CTNNA3: variants seen among roughly 807,000 people sequenced by gnomAD.
CTNNA3 encodes the protein catenin alpha 3.
Under a neutral mutation model 95.7 loss-of-function variants are expected in CTNNA3, and 76 were observed. The ratio of observed to expected loss-of-function variants is 0.79; its 90% confidence interval spans 0.66 to 0.96. CTNNA3 has a LOEUF of 0.96. Ranked by LOEUF, CTNNA3 falls within the 40% of genes least tolerant of loss-of-function variation. The pLI is 0.00. For synonymous variants in CTNNA3, 431 were observed against 374.4 expected (o/e 1.15, Z -1.74); for missense variants, 1,191 against 1,089.8 (o/e 1.09, Z -1.31).
chr10:67,680,170 T>C (rs926231429), intron 1 of CTNNA3, among the ~76,000 whole-genome samples: 1 of 152,174 alleles, frequency 6.6e-6, no homozygotes, highest in Non-Finnish European at 1.5e-5. Flanking sequence ...TGGAGCTGTC[T>C]TGGAAGCTTC....
At chr10:67,562,602 C>A (rs538539445) in intron 3 of CTNNA3, among the ~76,000 whole-genome samples, 1 of 152,152 alleles carries the variant, frequency 6.6e-6, no homozygotes, top group African/African-American at 2.4e-5. Flanking sequence ...CCTCTCTCAC[C>A]ACTCCTATTC....
At chr10:67,575,464 T>G (rs1842112386) in intron 3 of CTNNA3, among the ~76,000 whole-genome samples, 1 of 152,166 alleles carries the variant, frequency 6.6e-6, no homozygotes, top group Admixed American at 6.5e-5. Flanking sequence ...CCCAGATAAT[T>G]TCCTCAAATT....
At chr10:66,026,058 C>A (rs1401683691) in intron 15 of CTNNA3, among the ~76,000 whole-genome samples, 1 of 151,992 alleles carries the variant, frequency 6.6e-6, no homozygotes, top group Non-Finnish European at 1.5e-5. Context: ...TTTTTGAGAG[C>A]GTATCATTAA....
intron 5 of CTNNA3, among the ~76,000 whole-genome samples, chr10:67,341,041 A>AT (rs571670315): frequency 1.3e-5 from 2 of 152,202 alleles, no homozygotes; most frequent in South Asian, 2.1e-4. Context: ...GTTTTTATTT[A>AT]TTTTTTCAAT....
At chr10:67,613,620 T>A (rs1400977170) in intron 2 of CTNNA3, among the ~76,000 whole-genome samples, 1 of 148,186 alleles carries the variant, frequency 6.7e-6, no homozygotes, top group Non-Finnish European at 1.5e-5. Context: ...TTATATCCAG[T>A]CTTTTTTTGC....
chr10:65,993,122 CT>C (rs1197018564), intron 15 of CTNNA3, among the ~76,000 whole-genome samples: 2 of 152,086 alleles, frequency 1.3e-5, no homozygotes, highest in African/African-American at 4.8e-5. Context: ...ATGCTATTAA[CT>C]TTTAAAAAAT....
At position 67,142,171 on chromosome 10, in the gene CTNNA3, A is replaced by G. The variant is rs192443233; in HGVS notation, c.1047+38146T>C. Reference sequence around the variant, plus strand: ...ATTAGGACGTAGTCGGGGGCAGGTGAGAGGAAAAAAAAGAGATATTATTGG... The same window carrying G: ...ATTAGGACGTAGTCGGGGGCAGGTGGGAGGAAAAAAAAGAGATATTATTGG... On this transcript the variant is annotated intron_variant, in intron 7 of 17. Coordinates refer to ENST00000433211, the MANE Select transcript of CTNNA3 (RefSeq NM_013266.4). Among the ~76,000 whole-genome samples the G allele has an allele frequency of 1.6e-3, 242 of 152,296 alleles. 1 individual carries two copies. The highest frequency in any genetic ancestry group is 5.6e-3 in the African/African-American group (231 of 41,566).
At chr10:66,941,485 A>C (rs1424562603) in intron 7 of CTNNA3, among the ~76,000 whole-genome samples, 1 of 152,218 alleles carries the variant, frequency 6.6e-6, no homozygotes, top group Non-Finnish European at 1.5e-5. Flanking sequence ...TCCACTTTGA[A>C]CGCAGGAATC....
chr10:67,463,822 C>A (rs1293034320), intron 5 of CTNNA3, among the ~76,000 whole-genome samples: 5 of 152,156 alleles, frequency 3.3e-5, no homozygotes, highest in Admixed American at 2.0e-4. Context: ...TTATAATGAG[C>A]ATGGCTGCAT....
chr10:67,445,027 A>C (rs1846687212), intron 5 of CTNNA3, among the ~76,000 whole-genome samples: 1 of 152,146 alleles, frequency 6.6e-6, no homozygotes, highest in Non-Finnish European at 1.5e-5. Flanking sequence ...GGAAAAAAAA[A>C]CTAATACCAA....
rs143675319 is a variant in CTNNA3, at chr10:66,722,954, G to A, written c.1281+43310C>T. Among the ~76,000 whole-genome samples the A allele has an allele frequency of 9.4e-3, 1,426 of 152,168 alleles. 23 individuals are homozygous for A. The highest frequency in any genetic ancestry group is 0.033 in the African/African-American group (1,361 of 41,510). ...TCCGTCCAATCACAGTGTGAGGCCC[G>A]GTGATTCTGGCCTTTTCTGCTCTAT... On this transcript the variant is annotated intron_variant, in intron 9 of 17. Coordinates refer to ENST00000433211, the MANE Select transcript of CTNNA3 (RefSeq NM_013266.4).
At chr10:67,160,433 C>CT (rs71006132) in intron 7 of CTNNA3, among the ~76,000 whole-genome samples, 946 of 92,750 alleles carry the variant, frequency 0.01, 20 homozygotes, top group East Asian at 0.044. Flanking sequence ...TTCATCACAT[C>CT]TTTTTTTTTT....
chr10:66,154,186 G>A (rs1423633508), intron 13 of CTNNA3, among the ~76,000 whole-genome samples: 2 of 151,706 alleles, frequency 1.3e-5, no homozygotes, highest in Non-Finnish European at 2.9e-5. Context: ...GCTTCAATTG[G>A]TTTATTTCTG....
chr10:66,645,257 G>C (rs1845665743), intron 9 of CTNNA3, among the ~76,000 whole-genome samples: 1 of 151,842 alleles, frequency 6.6e-6, no homozygotes, highest in Non-Finnish European at 1.5e-5. Flanking sequence ...CATGATTGTG[G>C]TATCAAGGAC....
intron 7 of CTNNA3, among the ~76,000 whole-genome samples, chr10:67,088,977 T>A (rs906457596): frequency 1.3e-5 from 2 of 152,050 alleles, no homozygotes; most frequent in African/African-American, 2.4e-5. Flanking sequence ...TACAGTATAA[T>A]GACTACTTAG....
rs547142805 is a variant in CTNNA3, at chr10:66,894,169, A to T, written c.1048-118645T>A. Among the ~76,000 whole-genome samples the T allele has an allele frequency of 7.2e-5, 11 of 152,214 alleles. No individual in the cohort carries two copies. In the East Asian group the frequency reaches 7.7e-4, roughly 11 times the overall value. ...CACATGTTCTCAAAACAACTTCAGA[A>T]GTAATTTATACACGTTAATTTTTAT... is the stretch of plus-strand genomic sequence containing the variant. On this transcript the variant is annotated intron_variant, in intron 7 of 17. Transcript: ENST00000433211.
At chr10:65,970,266 C>A (rs1182936045) in intron 16 of CTNNA3, among the ~76,000 whole-genome samples, 1 of 151,998 alleles carries the variant, frequency 6.6e-6, no homozygotes, top group Non-Finnish European at 1.5e-5. Context: ...GTGTCAGAGA[C>A]CTTTAAGAGA....
chr10:66,602,106 A>G (rs992455621), intron 10 of CTNNA3, among the ~76,000 whole-genome samples: 1 of 151,912 alleles, frequency 6.6e-6, no homozygotes, highest in Non-Finnish European at 1.5e-5. Flanking sequence ...TTAGATTTGT[A>G]TAAGGTCTTT....
intron 6 of CTNNA3, among the ~76,000 whole-genome samples, chr10:67,207,119 G>A (rs1863938325): frequency 1.3e-5 from 2 of 152,060 alleles, no homozygotes; most frequent in Non-Finnish European, 1.5e-5. Flanking sequence ...TGACAAGAGT[G>A]AGAGTTCATC....
Sources: allele counts gnomAD v4.1 joint callset (sites outside exome capture counted in the v4.1 genomes callset), GRCh38; gene constraint gnomAD v4.1.1; transcripts MANE v1.5; gene names NCBI Gene and HGNC (gene_info 2026-07-23, HGNC 2026-07-21).